TACC2: variants seen among roughly 807,000 people sequenced by gnomAD.
The protein encoded by TACC2 is transforming acidic coiled-coil-containing protein 2.
A neutral mutation model predicts 227.3 loss-of-function variants in TACC2; 137 were observed. The observed-to-expected ratio is 0.60, with a 90% CI of 0.52 to 0.69. TACC2 has a LOEUF of 0.69. Among genes scored for constraint, TACC2 ranks in the 30% least tolerant of loss-of-function variants. TACC2 has a pLI of 0.00. For synonymous variants in TACC2, 1,523 were observed against 1,487.5 expected, an observed-to-expected ratio of 1.02 and a Z score of -0.55; for missense variants, 3,470 against 3,694.4, an observed-to-expected ratio of 0.94 and a Z score of 1.57.
chr10:122,025,018 C>T (rs58678936), intron 2 of TACC2, among the ~76,000 whole-genome samples: 2,233 of 152,236 alleles, frequency 0.015, 53 homozygotes, highest in African/African-American at 0.051. Context: ...AAGCATTTTT[C>T]ATTCCCACCA....
chr10:122,143,542 T>C lies in TACC2; in HGVS notation c.5700-30T>C, dbSNP rs755146637. ...TGTGCCATTAATGAGCCCAGCACCA[T>C]GTGGAATAATTCCCTCATTGTGTCC... is the stretch of plus-strand genomic sequence containing the variant. On this transcript the variant is annotated intron_variant, in intron 6 of 22. Coordinates refer to ENST00000369005, the MANE Select transcript of TACC2 (RefSeq NM_206862.4). 4 of 1,610,172 alleles carry C rather than the reference T, an allele frequency of 2.5e-6. No individual in the cohort carries two copies. In the Admixed American group the frequency reaches 5.0e-5, roughly 20 times the overall value.
Position 122,226,450 on chromosome 10 carries a change from C to T in TACC2, c.7693C>T (p.Arg2565Cys), listed in dbSNP as rs188626786. 2.0e-5 allele frequency: 33 copies of T among 1,613,784 alleles called. No individual in the cohort carries two copies. Among genetic ancestry groups the T allele is most frequent in the Non-Finnish European group, 2.5e-5 (30 of 1,179,910 alleles). Residue 2565 changes from arginine (R) to cysteine (C), a missense_variant, in exon 13 of 23, where the codon CGC (arginine) becomes TGC (cysteine). Around this residue, in one of 10 missense-constraint regions of TACC2, gnomAD observed 345 missense variants for 354.4 expected, o/e 0.97. Transcript: ENST00000369005. ...QESPVKSSPV[R>C]MSESPTPCSG... ...GAGCCCTGTCAAGTCATCTCCCGTCCGCATGTCAGAGTCCCCGACGCCGTG... is the reference window on the plus strand; with the variant it reads ...GAGCCCTGTCAAGTCATCTCCCGTCTGCATGTCAGAGTCCCCGACGCCGTG...
Position 122,087,108 on chromosome 10 carries a change from A to C in TACC2, c.4608A>C (p.Ala1536=). The C allele has an allele frequency of 6.2e-7, 1 of 1,610,094 alleles. No homozygotes were observed. Among genetic ancestry groups the C allele is most frequent in the East Asian group, 2.2e-5 (1 of 44,836 alleles). Residue 1536 remains alanine, a synonymous_variant, in exon 4 of 23, where the codon GCA becomes GCC. Coordinates refer to ENST00000369005, the MANE Select transcript of TACC2 (RefSeq NM_206862.4). ...ACGAGAGGCCAGAGGGGCCTGGGGC[A>C]GCCTGGCCAGGCCTGGAAGGCCAGG... ...REDERPEGPG[A]AWPGLEGQAY...
Position 122,085,625 on chromosome 10 carries a change from A to T in TACC2, c.3125A>T (p.Glu1042Val), listed in dbSNP as rs2080016035. The T allele has an allele frequency of 6.2e-7, 1 of 1,613,234 alleles. No homozygotes were observed. The highest frequency in any genetic ancestry group is 8.5e-7 in the Non-Finnish European group (1 of 1,180,034). Residue 1042 changes from glutamate (E) to valine (V), a missense_variant, in exon 4 of 23, where the codon GAG (glutamate) becomes GTG (valine). This residue lies in a region of TACC2 where 1,924 missense variants were observed against 1,978.3 expected (regional missense o/e 0.97). Transcript: ENST00000369005. ...KREMASGNTG[E>V]APPCQPDSVA... The stretch of plus-strand genomic sequence containing the variant: ...GAGATGGCAAGTGGAAACACAGGGG[A>T]GGCCCCACCTTGTCAGCCTGACTCA...
At chr10:122,105,842 C>T (rs1380709327) in intron 5 of TACC2, among the ~76,000 whole-genome samples, 1 of 151,598 alleles carries the variant, frequency 6.6e-6, no homozygotes. Flanking sequence ...AGGTTGGTCT[C>T]GAACTCCTCA....
At position 122,210,673 on chromosome 10, in the gene TACC2, T is replaced by C; in HGVS notation, c.6248T>C (p.Leu2083Pro). The C allele has an allele frequency of 6.2e-7, 1 of 1,614,084 alleles. No homozygotes were observed. The highest frequency in any genetic ancestry group is 8.5e-7 in the Non-Finnish European group (1 of 1,180,022). Residue 2083 changes from leucine to proline, a missense_variant, in exon 9 of 23, where the codon CTG becomes CCG. Around this residue, in one of 10 missense-constraint regions of TACC2, gnomAD observed 593 missense variants for 636.6 expected, o/e 0.93. Coordinates refer to ENST00000369005, the MANE Select transcript of TACC2 (RefSeq NM_206862.4). This position sits in a 1 kb window ranked among gnomAD's most constrained non-coding sequence, Gnocchi z 4.6. ...TCCGTCCCCATCTCTAAGTCTACACTGTCCCGGTCGCTCAGCCTGCAAGCC... is the reference window on the plus strand; with the variant it reads ...TCCGTCCCCATCTCTAAGTCTACACCGTCCCGGTCGCTCAGCCTGCAAGCC... ...TDSVPISKST[L>P]SRSLSLQASD...
At chr10:122,061,043 C>T (rs1276475471) in intron 3 of TACC2, among the ~76,000 whole-genome samples, 2 of 148,704 alleles carry the variant, frequency 1.3e-5, no homozygotes, top group African/African-American at 2.5e-5. Context: ...GGCACGGTGG[C>T]TCACACCTGT....
intron 1 of TACC2, among the ~76,000 whole-genome samples, chr10:122,010,900 G>A (rs747497185): frequency 1.3e-5 from 2 of 152,118 alleles, no homozygotes; most frequent in Admixed American, 6.5e-5. Context: ...GATGGACTTA[G>A]CAGTCCTTCT....
At chr10:122,137,125 A>C (rs2089831792) in intron 6 of TACC2, among the ~76,000 whole-genome samples, 1 of 152,088 alleles carries the variant, frequency 6.6e-6, no homozygotes, top group African/African-American at 2.4e-5. Flanking sequence ...GGAGGGCACC[A>C]AAATTTGCTT....
At chr10:122,118,650 T>C (rs2085173344) in intron 5 of TACC2, among the ~76,000 whole-genome samples, 1 of 152,148 alleles carries the variant, frequency 6.6e-6, no homozygotes, top group Non-Finnish European at 1.5e-5. Context: ...GCTTGTGTGG[T>C]TTTGGAATCA....
chr10:122,062,937 T>C (rs1565190458), intron 3 of TACC2, among the ~76,000 whole-genome samples: 1 of 152,136 alleles, frequency 6.6e-6, no homozygotes, highest in Non-Finnish European at 1.5e-5. Context: ...AAGGGGGCCT[T>C]ATGAGGAAAT....
intron 5 of TACC2, among the ~76,000 whole-genome samples, chr10:122,130,963 C>T (rs2087950393): frequency 6.6e-6 from 1 of 152,264 alleles, no homozygotes; most frequent in African/African-American, 2.4e-5. Context: ...TCATGACCAT[C>T]TGCACCTTCC....
intron 7 of TACC2, among the ~76,000 whole-genome samples, chr10:122,190,143 G>GTGTATGTGTATATTA (rs1444375270): frequency 1.3e-5 from 2 of 152,208 alleles, no homozygotes. Flanking sequence ...GTATATATGT[G>GTGTATGTGTATATTA]TGTATGTGTA....
chr10:122,012,741 G>A (rs1255240529), intron 1 of TACC2, among the ~76,000 whole-genome samples: 4 of 152,098 alleles, frequency 2.6e-5, no homozygotes, highest in Non-Finnish European at 5.9e-5. Context: ...TAGAGGAGGA[G>A]CCCCACAGAA....
chr10:122,190,252 G>A (rs1322324), intron 7 of TACC2, among the ~76,000 whole-genome samples: 8,052 of 152,210 alleles, frequency 0.053, 701 homozygotes, highest in African/African-American at 0.18. Context: ...ACAAATACAG[G>A]GAAATAGGCT....
At chr10:122,223,511 C>A (rs2095563248) in intron 11 of TACC2, among the ~76,000 whole-genome samples, 1 of 152,146 alleles carries the variant, frequency 6.6e-6, no homozygotes, top group Non-Finnish European at 1.5e-5. Context: ...ACAAAACTGT[C>A]TTCGATTTCA....
In TACC2 at chr10:122,017,031, C is replaced by T. The variant is rs894781691; in HGVS notation, c.-45-4906C>T. 9.9e-5 allele frequency among the ~76,000 whole-genome samples: 15 copies of T among 152,076 alleles called. No homozygotes were observed. In the East Asian group the frequency reaches 1.2e-3, roughly 12 times the overall value. ...AGAGAAGACTCAGAAGACACCAACC[C>T]GGCCAAAACCTTGATCTCGAACGTC... On this transcript the variant is annotated intron_variant, in intron 1 of 22. Coordinates refer to ENST00000369005, the MANE Select transcript of TACC2 (RefSeq NM_206862.4).
Position 122,164,003 on chromosome 10 carries a change from C to T in TACC2, c.5834+20297C>T, listed in dbSNP as rs780721488. On this transcript the variant is annotated intron_variant, in intron 7 of 22. Transcript: ENST00000369005. ...GGCTTCCGAGGCAATGTAAGTGCTCCGCCCGGGCCGCCCCGAGTCTCCCGG... is the reference window on the plus strand; with the variant it reads ...GGCTTCCGAGGCAATGTAAGTGCTCTGCCCGGGCCGCCCCGAGTCTCCCGG... 12 of 1,571,296 alleles carry T rather than the reference C, an allele frequency of 7.6e-6. No individual in the cohort carries two copies. In the Admixed American group the frequency reaches 9.1e-5, roughly 12 times the overall value.
Position 122,086,092 on chromosome 10 carries a change from A to G in TACC2, c.3592A>G (p.Arg1198Gly). Residue 1198 changes from arginine to glycine, a missense_variant, in exon 4 of 23, where the codon AGA becomes GGA. Physicochemically the swap from Arg to Gly is moderately radical, Grantham distance 125 (BLOSUM62 -2). This residue lies in a region of TACC2 where 1,924 missense variants were observed against 1,978.3 expected (regional missense o/e 0.97). Transcript: ENST00000369005. ...CTGCCAGGATGCCTTGCTGCCAGCC[A>G]GAGAGCTGGGTGGGATTCCCAGGAG... Reference protein sequence around the residue: ...ASCQDALLPARELGGIPRSTM... With the variant: ...ASCQDALLPAGELGGIPRSTM... 1 of 1,613,772 alleles carries G rather than the reference A, an allele frequency of 6.2e-7. No individual in the cohort carries two copies. Among genetic ancestry groups the G allele is most frequent in the Non-Finnish European group, 8.5e-7 (1 of 1,180,006 alleles).
Sources: allele counts gnomAD v4.1 joint callset (sites outside exome capture counted in the v4.1 genomes callset), GRCh38; gene constraint gnomAD v4.1.1; regional missense constraint gnomAD v4.1.1; non-coding constraint Gnocchi (gnomAD v3.1); transcripts MANE v1.5; gene names NCBI Gene and HGNC (gene_info 2026-07-23, HGNC 2026-07-21).